The following OSBPL8 variants were observed in gnomAD, a reference collection of about 807,000 sequenced individuals.
OSBPL8 encodes the protein oxysterol-binding protein-related protein 8.
Under a neutral mutation model 125.5 loss-of-function variants are expected in OSBPL8, and 59 were observed. The observed-to-expected ratio is 0.47, with a 90% CI of 0.38 to 0.58. The LOEUF (loss-of-function observed/expected upper bound fraction) is 0.58, where lower values mean the gene tolerates loss of function less well. Among genes scored for constraint, OSBPL8 ranks in the 20% least tolerant of loss-of-function variants. OSBPL8 has a pLI of 0.00. For synonymous variants in OSBPL8, 330 were observed against 338.9 expected (o/e 0.97, Z 0.29); for missense variants, 758 against 1,047.8 (o/e 0.72, Z 3.82).
chr12:76,358,809 A>G lies in OSBPL8; in HGVS notation c.2331T>C (p.Val777=). ...GCTTATGTTTCATTTTGGGGACGCT[A>G]ACCTAAAGAAAAAAATAACTATTTT... ...QTKVKHRTPM[V]SVPKMKHKPT... is the part of the protein sequence containing the mutation. Residue 777 remains valine (V), a splice_region_variant and synonymous_variant, in exon 22 of 24, where the codon GTT becomes GTC. Coordinates refer to ENST00000261183, the MANE Select transcript of OSBPL8 (RefSeq NM_020841.5). 1 of 1,612,314 alleles carries G rather than the reference A, an allele frequency of 6.2e-7. No individual in the cohort carries two copies. The highest frequency in any genetic ancestry group is 8.5e-7 in the Non-Finnish European group (1 of 1,178,394).
rs574871471 is a variant in OSBPL8 at position 76,455,325 on chromosome 12, T to C, written c.80-4337A>G. Among the ~76,000 whole-genome samples, 5 of 152,212 alleles carry C rather than the reference T, an allele frequency of 3.3e-5. No homozygotes were observed. In the South Asian group the frequency reaches 1.0e-3, roughly 32 times the overall value. On this transcript the variant is annotated intron_variant, in intron 3 of 23. Transcript: ENST00000261183. ...TGAGTGATAGCTCAATAAGGGCTCA[T>C]TGTATAATTATGCTCTCATTTACAT...
chr12:76,537,677 G>A (rs1342814198), intron 1 of OSBPL8, among the ~76,000 whole-genome samples: 6 of 152,168 alleles, frequency 3.9e-5, no homozygotes, highest in Non-Finnish European at 8.8e-5. Context: ...GGGAGGCTGA[G>A]GCAGGTGGAT....
chr12:76,371,766 TAA>T, intron 18 of OSBPL8, 182 bp from the exon 19 acceptor site: 1 of 499,246 alleles, frequency 2.0e-6, no homozygotes, highest in Non-Finnish European at 3.2e-6. Context: ...ATAAAAACAT[TAA>T]GATTGACTAC....
chr12:76,398,015 T>A, intron 7 of OSBPL8, 118 bp from the exon 8 acceptor site: 1 of 830,976 alleles, frequency 1.2e-6, no homozygotes, highest in Non-Finnish European at 1.9e-6. Flanking sequence ...TTTAAATATT[T>A]TATTTAAAAG....
chr12:76,359,977 T>A (rs986735674), intron 21 of OSBPL8, among the ~76,000 whole-genome samples: 1 of 152,164 alleles, frequency 6.6e-6, no homozygotes, highest in African/African-American at 2.4e-5. Context: ...CCAAATCGTA[T>A]CATTCTACCC....
Position 76,369,254 on chromosome 12 carries a change from T to A in OSBPL8, c.2288A>T (p.Asp763Val), listed in dbSNP as rs751129414. Residue 763 changes from aspartate to valine, a missense_variant, in exon 21 of 24, where the codon GAT becomes GTT. By Grantham distance (152) the Asp-to-Val change is radical. Coordinates refer to ENST00000261183, the MANE Select transcript of OSBPL8 (RefSeq NM_020841.5). ...TTTCACTTTGGTCTGAATAACACCA[T>A]CTTTTTCAAACTGTATCATATCATT... ...PLNDMIQFEK[D>V]GVIQTKVKHR... 6.2e-7 allele frequency: 1 copy of A among 1,612,392 alleles called. No homozygotes were observed. Among genetic ancestry groups the A allele is most frequent in the Non-Finnish European group, 8.5e-7 (1 of 1,179,410 alleles).
intron 1 of OSBPL8, among the ~76,000 whole-genome samples, chr12:76,549,147 G>A (rs944027031): frequency 6.6e-6 from 1 of 151,972 alleles, no homozygotes; most frequent in Admixed American, 6.5e-5. Flanking sequence ...GGAAGATCAA[G>A]ACAGAAAGCA....
chr12:76,363,765 CA>C (rs1952297930), intron 21 of OSBPL8, among the ~76,000 whole-genome samples: 1 of 152,092 alleles, frequency 6.6e-6, no homozygotes, highest in South Asian at 2.1e-4. Flanking sequence ...ATCCATCTGA[CA>C]AAGGCTAATA....
intron 1 of OSBPL8, among the ~76,000 whole-genome samples, chr12:76,541,955 T>C (rs1950656966): frequency 6.6e-6 from 1 of 152,124 alleles, no homozygotes. Flanking sequence ...GAGGATCACC[T>C]GAGGTTGGGA....
chr12:76,395,475 C>CAT (rs1565860073), intron 8 of OSBPL8, among the ~76,000 whole-genome samples: 1 of 151,892 alleles, frequency 6.6e-6, no homozygotes. Context: ...TTCCAAAAAG[C>CAT]ATAACATTAG....
chr12:76,500,448 TTC>T (rs201448685), intron 1 of OSBPL8, among the ~76,000 whole-genome samples: 26,351 of 152,128 alleles, frequency 0.17, 2,826 homozygotes, highest in Non-Finnish European at 0.26. Context: ...ACTAGAAGTA[TTC>T]TCTTGATTCT....
rs1367254386 is a variant in OSBPL8, at chr12:76,400,691, A to ATT, written c.367-719_367-718dup. ...CAGAATCTTACAATAAAAATACTGT[A>ATT]TTTTTTTTTTTTGAGCAGGAGTTAG... On this transcript the variant is annotated intron_variant, in intron 6 of 23. Coordinates refer to ENST00000261183, the MANE Select transcript of OSBPL8 (RefSeq NM_020841.5). Among the ~76,000 whole-genome samples, 132 of 142,706 alleles carry ATT rather than the reference A, an allele frequency of 9.2e-4. 1 individual carries two copies. The highest frequency in any genetic ancestry group is 3.1e-3 in the African/African-American group (121 of 39,166). The allele number at this position is 142,706 out of a possible 152,430, so 93.6% of individuals were successfully genotyped here.
intron 1 of OSBPL8, among the ~76,000 whole-genome samples, chr12:76,540,659 G>C (rs552905969): frequency 6.6e-5 from 10 of 150,428 alleles, no homozygotes; most frequent in Non-Finnish European, 1.2e-4. Flanking sequence ...AGCACACATT[G>C]ATATAATAAT....
At chr12:76,506,844 A>G (rs1423508226) in intron 1 of OSBPL8, among the ~76,000 whole-genome samples, 1 of 152,190 alleles carries the variant, frequency 6.6e-6, no homozygotes, top group Non-Finnish European at 1.5e-5. Context: ...AATAAATCTG[A>G]GAATAGGGAA....
At chr12:76,412,390 T>C (rs1868267757) in intron 4 of OSBPL8, among the ~76,000 whole-genome samples, 1 of 152,114 alleles carries the variant, frequency 6.6e-6, no homozygotes, top group Admixed American at 6.6e-5. Flanking sequence ...TAACTAAAAA[T>C]TCAAAAGCTG....
intron 4 of OSBPL8, among the ~76,000 whole-genome samples, chr12:76,416,529 C>T (rs1016846306): frequency 3.9e-5 from 6 of 151,934 alleles, no homozygotes; most frequent in African/African-American, 1.4e-4. Context: ...TATCTAGTTT[C>T]CATGTTGTTC....
chr12:76,503,493 C>T (rs1410806623), intron 1 of OSBPL8, among the ~76,000 whole-genome samples: 2 of 152,186 alleles, frequency 1.3e-5, no homozygotes, highest in Admixed American at 6.5e-5. Context: ...GAAGTTCAAA[C>T]TTCAATATGC....
At chr12:76,490,851 G>C (rs1051394156) in intron 1 of OSBPL8, among the ~76,000 whole-genome samples, 1 of 152,188 alleles carries the variant, frequency 6.6e-6, no homozygotes, top group Non-Finnish European at 1.5e-5. Flanking sequence ...ATGCCCTCTG[G>C]GGCTTCAGGA....
intron 1 of OSBPL8, among the ~76,000 whole-genome samples, chr12:76,527,824 T>C (rs1009235239): frequency 6.6e-6 from 1 of 152,058 alleles, no homozygotes; most frequent in Non-Finnish European, 1.5e-5. Context: ...AGGAGGAAAA[T>C]ACTATCATTA....
Sources: allele counts gnomAD v4.1 joint callset (sites outside exome capture counted in the v4.1 genomes callset), GRCh38; gene constraint gnomAD v4.1.1; transcripts MANE v1.5; gene names NCBI Gene and HGNC (gene_info 2026-07-23, HGNC 2026-07-21).